LRCH1: variants seen among roughly 807,000 people sequenced by gnomAD.
LRCH1 encodes the protein leucine rich repeats and calponin homology domain containing 1.
A neutral mutation model predicts 94.9 loss-of-function variants in LRCH1; 23 were observed. That is an observed-to-expected ratio of 0.24 (90% CI 0.17 to 0.34). LRCH1 has a LOEUF of 0.34. Among genes scored for constraint, LRCH1 ranks in the 10% least tolerant of loss-of-function variants. The pLI is 1.00. For synonymous variants in LRCH1, 364 were observed against 354.9 expected, an observed-to-expected ratio of 1.03 and a Z score of -0.29; for missense variants, 790 against 945.9, an observed-to-expected ratio of 0.84 and a Z score of 2.16.
intron 1 of LRCH1, among the ~76,000 whole-genome samples, chr13:46,619,064 T>TTTCCTTCC (rs764734614): frequency 0.011 from 1,233 of 114,666 alleles, 24 homozygotes; most frequent in Non-Finnish European, 0.016. Flanking sequence ...TCTTTTCTTT[T>TTTCCTTCC]TTCCTTCCTT....
At chr13:46,559,148 CTTAACT>C (rs1445554274) in intron 1 of LRCH1, among the ~76,000 whole-genome samples, 1 of 152,200 alleles carries the variant, frequency 6.6e-6, no homozygotes, top group Non-Finnish European at 1.5e-5. Flanking sequence ...TTTTCAACAA[CTTAACT>C]TTATTTCATA....
In LRCH1 at chr13:46,711,173, C is replaced by T. The variant is rs536815156; in HGVS notation, c.1528-618C>T. On this transcript the variant is annotated intron_variant, in intron 13 of 19. Transcript: ENST00000389797. ...CTTCTTAAACTGCTCCTGTGTTCTC[C>T]GTGGTATTCAGTGATGCTACCATCT... is the stretch of plus-strand genomic sequence containing the variant. 5.3e-5 allele frequency among the ~76,000 whole-genome samples: 8 copies of T among 152,220 alleles called. 1 individual carries two copies. Among genetic ancestry groups the T allele is most frequent in the South Asian group, 2.1e-4 (1 of 4,812 alleles).
Position 46,553,585 on chromosome 13 carries a change from G to A in LRCH1, c.189G>A (p.Leu63=). ...GGFNLPLNRG[L]ERALEEAANS... is the part of the protein sequence containing the mutation. ...TCAACCTGCCCTTGAACCGGGGTCT[G>A]GAGCGCGCGCTTGAGGAGGCGGCCA... The change falls in exon 1 of 20, where the codon CTG becomes CTA. Residue 63 remains leucine (L), a synonymous_variant. Coordinates refer to ENST00000389797, the MANE Select transcript of LRCH1 (RefSeq NM_001164211.2). 1 of 1,554,404 alleles carries A rather than the reference G, an allele frequency of 6.4e-7. No homozygotes were observed. The highest frequency in any genetic ancestry group is 8.7e-7 in the Non-Finnish European group (1 of 1,149,562).
intron 1 of LRCH1, among the ~76,000 whole-genome samples, chr13:46,649,589 G>A (rs2051265693): frequency 6.6e-6 from 1 of 152,068 alleles, no homozygotes; most frequent in African/African-American, 2.4e-5. Flanking sequence ...ATATATTATA[G>A]GCTCTCAGTA....
chr13:46,729,095 T>G lies in LRCH1; in HGVS notation c.2007+111T>G, dbSNP rs181973865. The G allele has an allele frequency of 4.8e-6, 5 of 1,050,040 alleles. No individual in the cohort carries two copies. In the African/African-American group the frequency reaches 8.0e-5, roughly 17 times the overall value. 65.0% of individuals were successfully genotyped at this position (1,050,040 alleles called of 1,614,324 possible). Reference sequence around the variant, plus strand: ...TAGGAGCTTGCTCAAATCTTTTCCATTGGGCCCCAAACCATTATAAGGCAG... The same window carrying G: ...TAGGAGCTTGCTCAAATCTTTTCCAGTGGGCCCCAAACCATTATAAGGCAG... On this transcript the variant is annotated intron_variant, in intron 18 of 19. Transcript: ENST00000389797.
intron 1 of LRCH1, among the ~76,000 whole-genome samples, chr13:46,640,382 G>T (rs750162520): frequency 6.6e-6 from 1 of 152,124 alleles, no homozygotes; most frequent in Non-Finnish European, 1.5e-5. Flanking sequence ...CAGAAATTGA[G>T]GCATAGAGAA....
chr13:46,739,075 T>A (rs554163166), intron 19 of LRCH1, among the ~76,000 whole-genome samples: 2 of 152,366 alleles, frequency 1.3e-5, no homozygotes, highest in African/African-American at 4.8e-5. Flanking sequence ...AAGATTATAT[T>A]TAAGTAAAGT....
At chr13:46,646,332 C>G (rs2051220858) in intron 1 of LRCH1, among the ~76,000 whole-genome samples, 1 of 152,028 alleles carries the variant, frequency 6.6e-6, no homozygotes, top group Non-Finnish European at 1.5e-5. Context: ...TATTATGTAT[C>G]ACAATGAAAT....
chr13:46,692,705 A>G (rs1430520423), intron 8 of LRCH1, 64 bp downstream of exon 8: 1 of 1,208,124 alleles, frequency 8.3e-7, no homozygotes, highest in East Asian at 2.4e-5. Context: ...GTTTAAAATA[A>G]CCTGTGCACA....
intron 1 of LRCH1, among the ~76,000 whole-genome samples, chr13:46,606,146 T>TTGTGTGTGTGTGTGTGTGTGTGTGTG (rs1555272309): frequency 1.9e-5 from 2 of 103,868 alleles, no homozygotes; most frequent in African/African-American, 7.2e-5. Flanking sequence ...AATTTTAACC[T>TTGTGTGTGTGTGTGTGTGTGTGTGTG]TATGTGTGTG....
chr13:46,689,525 G>A (rs1258188713), intron 7 of LRCH1, among the ~76,000 whole-genome samples: 1 of 152,072 alleles, frequency 6.6e-6, no homozygotes, highest in African/African-American at 2.4e-5. Context: ...GCAAGTGCCC[G>A]TGAAGCACTT....
chr13:46,553,275 C>G lies in LRCH1; in HGVS notation c.-122C>G, dbSNP rs1354917776. 9.7e-6 allele frequency: 7 copies of G among 725,352 alleles called. No individual in the cohort carries two copies. Among genetic ancestry groups the G allele is most frequent in the Non-Finnish European group, 1.5e-5 (7 of 452,886 alleles). The allele number at this position is 725,352 out of a possible 1,614,324, so 44.9% of individuals were successfully genotyped here. A position where few individuals can be genotyped will look rare whatever the true frequency, so the allele number is the denominator to read the frequency against. On this transcript the variant is annotated 5_prime_UTR_variant, in exon 1 of 20. Transcript: ENST00000389797. ...GCGCCTGCCCACACCCTCCTCCCCT[C>G]CTTCCAGCGCCTTTCGGTGGAGCAC...
At chr13:46,599,815 G>C (rs1461447453) in intron 1 of LRCH1, among the ~76,000 whole-genome samples, 2 of 152,154 alleles carry the variant, frequency 1.3e-5, no homozygotes, top group African/African-American at 4.8e-5. Flanking sequence ...TTTGTTAAAT[G>C]AATGAATCAA....
At chr13:46,686,957 T>TC (rs1370385075) in intron 5 of LRCH1, among the ~76,000 whole-genome samples, 8 of 134,754 alleles carry the variant, frequency 5.9e-5, no homozygotes, top group Non-Finnish European at 1.1e-4. Flanking sequence ...TATTGATTTT[T>TC]TTTTTTTTTT....
chr13:46,619,415 T>G (rs996012222), intron 1 of LRCH1, among the ~76,000 whole-genome samples: 2 of 152,082 alleles, frequency 1.3e-5, no homozygotes, highest in African/African-American at 4.8e-5. Flanking sequence ...TGGCCTAAAG[T>G]TCTTATTTAA....
chr13:46,685,159 C>T (rs1373014813), intron 4 of LRCH1, among the ~76,000 whole-genome samples: 2 of 152,168 alleles, frequency 1.3e-5, no homozygotes, highest in Non-Finnish European at 2.9e-5. Flanking sequence ...CCTGCATCAC[C>T]CTAGATGTCT....
intron 16 of LRCH1, among the ~76,000 whole-genome samples, chr13:46,716,639 C>T (rs530579378): frequency 1.5e-3 from 236 of 152,266 alleles, no homozygotes; most frequent in Non-Finnish European, 2.4e-3. Flanking sequence ...GTTTAAGACA[C>T]TTGCTGTGAT....
chr13:46,746,511 C>T (rs1023248876), downstream of LRCH1, among the ~76,000 whole-genome samples: 6 of 152,070 alleles, frequency 3.9e-5, no homozygotes, highest in Non-Finnish European at 8.8e-5. Flanking sequence ...TTCATGACTC[C>T]GCTCCGTACT....
chr13:46,567,576 G>A (rs776364093), intron 1 of LRCH1, among the ~76,000 whole-genome samples: 1 of 150,768 alleles, frequency 6.6e-6, no homozygotes, highest in Non-Finnish European at 1.5e-5. Context: ...AATTTTAGTT[G>A]TAGCAGTCAT....
Sources: allele counts gnomAD v4.1 joint callset (sites outside exome capture counted in the v4.1 genomes callset), GRCh38; gene constraint gnomAD v4.1.1; transcripts MANE v1.5; gene names NCBI Gene and HGNC (gene_info 2026-07-23, HGNC 2026-07-21).